SPAG16: variants seen among roughly 807,000 people sequenced by gnomAD.
SPAG16 encodes sperm associated antigen 16.
Under a neutral mutation model 80.4 loss-of-function variants are expected in SPAG16, and 86 were observed. The ratio of observed to expected loss-of-function variants is 1.07; its 90% CI spans 0.90 to 1.28. The LOEUF is 1.28. Ranked by LOEUF, SPAG16 falls within the 50% of genes most tolerant of loss-of-function variation. The pLI, the probability that SPAG16 is intolerant of heterozygous loss-of-function variation, is 0.00. For missense variants in SPAG16, 870 were observed against 765.3 expected, an observed-to-expected ratio of 1.14 and a Z score of -1.61; for synonymous variants, 294 against 265.9, an observed-to-expected ratio of 1.11 and a Z score of -1.03.
chr2:213,904,679 T>C (rs981830199), intron 11 of SPAG16, among the ~76,000 whole-genome samples: 1 of 151,826 alleles, frequency 6.6e-6, no homozygotes, highest in African/African-American at 2.4e-5. Flanking sequence ...TAGGCCTCTC[T>C]TCTCTGATGT....
At chr2:213,860,460 C>CTATATAT (rs2075395170) in intron 10 of SPAG16, among the ~76,000 whole-genome samples, 1 of 131,598 alleles carries the variant, frequency 7.6e-6, no homozygotes, top group Admixed American at 7.8e-5. Flanking sequence ...TATATATATA[C>CTATATAT]AGATATATCT....
At chr2:214,194,294 T>C (rs2057761625) in intron 15 of SPAG16, among the ~76,000 whole-genome samples, 1 of 152,114 alleles carries the variant, frequency 6.6e-6, no homozygotes, top group Non-Finnish European at 1.5e-5. Flanking sequence ...ACCTAGATCA[T>C]AATAGTCATG....
chr2:213,392,687 A>C (rs2067817272), intron 9 of SPAG16, among the ~76,000 whole-genome samples: 1 of 152,114 alleles, frequency 6.6e-6, no homozygotes. Context: ...TCTACTAAAA[A>C]TACAAAAACA....
rs576318195 is a variant in SPAG16, at chr2:214,035,960, A to G, written c.1527+21883A>G. The stretch of plus-strand genomic sequence containing the variant: ...CGGTGTCATGCAGTGGCCGCTGTAG[A>G]TTAACCACCACTGCCATGACTAGTT... On this transcript the variant is annotated intron_variant, in intron 13 of 15. Transcript: ENST00000331683. Among the ~76,000 whole-genome samples, 3 of 152,354 alleles carry G rather than the reference A, an allele frequency of 2.0e-5. No individual in the cohort carries two copies. The East Asian group carries it at 5.8e-4, about 29-fold the overall frequency.
At chr2:214,250,918 A>G (rs956991635) in intron 15 of SPAG16, among the ~76,000 whole-genome samples, 1 of 151,152 alleles carries the variant, frequency 6.6e-6, no homozygotes, top group African/African-American at 2.4e-5. Context: ...CCACTTTATA[A>G]TGTCAGAAAA....
chr2:213,681,731 C>A (rs1171586915), intron 10 of SPAG16, among the ~76,000 whole-genome samples: 1 of 152,134 alleles, frequency 6.6e-6, no homozygotes, highest in Non-Finnish European at 1.5e-5. Flanking sequence ...ATATGCATAG[C>A]AAAATACCCC....
At chr2:213,488,163 G>T (rs572794102) in intron 9 of SPAG16, among the ~76,000 whole-genome samples, 13 of 152,028 alleles carry the variant, frequency 8.6e-5, no homozygotes, top group Admixed American at 3.3e-4. Flanking sequence ...TGAAACTGGT[G>T]CCTGTCATAA....
chr2:214,154,209 A>G (rs16851537), intron 15 of SPAG16, among the ~76,000 whole-genome samples: 27,183 of 152,158 alleles, frequency 0.18, 2,870 homozygotes, highest in African/African-American at 0.29. Context: ...TTATATACAT[A>G]CTTTTCCACG....
intron 10 of SPAG16, among the ~76,000 whole-genome samples, chr2:213,493,414 G>C (rs529900689): frequency 1.3e-5 from 2 of 152,238 alleles, no homozygotes; most frequent in Admixed American, 6.5e-5. Flanking sequence ...TTTTCATAGA[G>C]TATGGTTTCA....
chr2:213,331,696 T>C (rs1334320254), intron 5 of SPAG16, among the ~76,000 whole-genome samples: 2 of 152,120 alleles, frequency 1.3e-5, no homozygotes, highest in Non-Finnish European at 2.9e-5. Flanking sequence ...CTGACCACGA[T>C]GGAATAAAAC....
At chr2:213,997,153 C>T (rs1303995220) in intron 12 of SPAG16, among the ~76,000 whole-genome samples, 1 of 152,144 alleles carries the variant, frequency 6.6e-6, no homozygotes, top group Non-Finnish European at 1.5e-5. Context: ...CCTTTGATAG[C>T]TTCACATAAC....
intron 10 of SPAG16, among the ~76,000 whole-genome samples, chr2:213,817,847 G>A (rs2072659690): frequency 6.6e-6 from 1 of 152,100 alleles, no homozygotes; most frequent in Admixed American, 6.6e-5. Flanking sequence ...GGTAAGTGTT[G>A]AAAAACTACT....
intron 15 of SPAG16, among the ~76,000 whole-genome samples, chr2:214,159,912 A>G (rs1202015582): frequency 1.3e-5 from 2 of 151,986 alleles, no homozygotes; most frequent in Non-Finnish European, 2.9e-5. Flanking sequence ...TCTCTTATAT[A>G]TCTGTTGGTC....
At chr2:213,928,237 A>G (rs1042224148) in intron 11 of SPAG16, among the ~76,000 whole-genome samples, 1 of 147,402 alleles carries the variant, frequency 6.8e-6, no homozygotes, top group Non-Finnish European at 1.5e-5. Context: ...GGCACACGCC[A>G]CCATGCCTGG....
intron 12 of SPAG16, among the ~76,000 whole-genome samples, chr2:213,936,473 A>G (rs1426922949): frequency 2.0e-5 from 3 of 152,208 alleles, no homozygotes; most frequent in Non-Finnish European, 4.4e-5. Context: ...GCTTAAAAGC[A>G]GGTAAAAGCA....
chr2:214,113,985 C>T lies in SPAG16; in HGVS notation c.1593+5724C>T, dbSNP rs776315412. On this transcript the variant is annotated intron_variant, in intron 14 of 15. Transcript: ENST00000331683. The stretch of plus-strand genomic sequence containing the variant: ...TTTATCTACCTTTGGACTTTGATGT[C>T]GGTGACCTGCAGATGGGGTTTTGGT... 9.2e-5 allele frequency among the ~76,000 whole-genome samples: 14 copies of T among 152,264 alleles called. No individual in the cohort carries two copies. The East Asian group carries it at 9.7e-4, about 11-fold the overall frequency.
chr2:214,195,269 T>TA (rs2057793122), intron 15 of SPAG16, among the ~76,000 whole-genome samples: 2 of 129,760 alleles, frequency 1.5e-5, no homozygotes, highest in East Asian at 4.5e-4. Flanking sequence ...CAGGGGAAGA[T>TA]ACTGAGTTCA....
chr2:213,286,971 A>G (rs1295409745), intron 1 of SPAG16, among the ~76,000 whole-genome samples: 1 of 152,184 alleles, frequency 6.6e-6, no homozygotes, highest in Non-Finnish European at 1.5e-5. Context: ...ACCCTGCAAC[A>G]CCCTTTCCCT....
chr2:214,178,759 A>G (rs1240334704), intron 15 of SPAG16, among the ~76,000 whole-genome samples: 1 of 151,404 alleles, frequency 6.6e-6, no homozygotes, highest in Non-Finnish European at 1.5e-5. Context: ...CAGTATTCGA[A>G]GCTGAATTTC....
Sources: gnomAD v4.1 joint callset for allele counts (sites outside exome capture counted in the v4.1 genomes callset) on GRCh38, gnomAD v4.1.1 for gene constraint, MANE v1.5 for transcripts, NCBI Gene and HGNC (gene_info 2026-07-23, HGNC 2026-07-21) for gene names.